USH2A: variants seen among roughly 807,000 people sequenced by gnomAD.
USH2A encodes Usher syndrome 2A (autosomal recessive, mild).
USH2A carries 443 observed loss-of-function variants against 538.9 expected under a neutral mutation model. That is an observed-to-expected ratio of 0.82 (90% CI 0.76 to 0.89). The LOEUF is 0.89. USH2A is among the 40% of genes least tolerant of loss of function. USH2A has a pLI of 0.00. For missense variants in USH2A, 6,633 were observed against 6,324.8 expected, an observed-to-expected ratio of 1.05 and a Z score of -1.65; for synonymous variants, 2,413 against 2,273.5, an observed-to-expected ratio of 1.06 and a Z score of -1.75.
At chr1:216,253,307 T>C (rs2102555133) in intron 11 of USH2A, among the ~76,000 whole-genome samples, 1 of 152,120 alleles carries the variant, frequency 6.6e-6, no homozygotes, top group South Asian at 2.1e-4. Flanking sequence ...GCCTCCCCAG[T>C]AGCTGGGCCA....
At chr1:215,710,498 T>C (rs1427731068) in intron 61 of USH2A, among the ~76,000 whole-genome samples, 1 of 152,146 alleles carries the variant, frequency 6.6e-6, no homozygotes, top group African/African-American at 2.4e-5. Flanking sequence ...CAACTGCTCA[T>C]ACGTTTAGCT....
chr1:216,374,280 T>C (rs1485182360), intron 3 of USH2A, among the ~76,000 whole-genome samples: 2 of 99,726 alleles, frequency 2.0e-5, no homozygotes, highest in African/African-American at 6.1e-5. Flanking sequence ...AAAAAAGCAG[T>C]GCCGACCCAA....
At chr1:215,727,163 G>A (rs1368068753) in intron 61 of USH2A, among the ~76,000 whole-genome samples, 2 of 151,986 alleles carry the variant, frequency 1.3e-5, no homozygotes, top group African/African-American at 4.8e-5. Context: ...GTGTATGTGT[G>A]TGTGTGTATA....
At chr1:216,054,774 G>C (rs1322144326) in intron 30 of USH2A, among the ~76,000 whole-genome samples, 1 of 151,254 alleles carries the variant, frequency 6.6e-6, no homozygotes, top group African/African-American at 2.4e-5. Flanking sequence ...TCTTCGAATC[G>C]CTTGTACAGC....
chr1:215,870,736 A>G (rs940347013), intron 43 of USH2A, among the ~76,000 whole-genome samples: 2 of 152,096 alleles, frequency 1.3e-5, no homozygotes, highest in Non-Finnish European at 2.9e-5. Context: ...ACCACTTCAT[A>G]TCAAAAAAAG....
chr1:216,008,213 G>A (rs1026107288), intron 32 of USH2A, among the ~76,000 whole-genome samples: 1 of 151,978 alleles, frequency 6.6e-6, no homozygotes, highest in Non-Finnish European at 1.5e-5. Context: ...CAGATGGCCG[G>A]TTCCTGCCTT....
chr1:216,343,117 A>T (rs1378470958), intron 4 of USH2A, among the ~76,000 whole-genome samples: 4 of 152,090 alleles, frequency 2.6e-5, no homozygotes, highest in African/African-American at 9.7e-5. Flanking sequence ...TACAACTAGA[A>T]GTAAAGTAAT....
intron 19 of USH2A, among the ~76,000 whole-genome samples, chr1:216,191,874 A>C (rs1391498034): frequency 2.6e-5 from 4 of 151,922 alleles, no homozygotes; most frequent in Non-Finnish European, 5.9e-5. Context: ...ACGATGAAAT[A>C]AAATAAGAAA....
At chr1:216,393,605 A>T (rs187532782) in intron 3 of USH2A, among the ~76,000 whole-genome samples, 2 of 152,192 alleles carry the variant, frequency 1.3e-5, no homozygotes, top group African/African-American at 4.8e-5. Context: ...TTATTAATGG[A>T]TCAAAAATAA....
Position 215,697,891 on chromosome 1 carries a change from A to T in USH2A, c.12067-17515T>A, listed in dbSNP as rs575778448. ...TGTGCAGAACATGCAGGTTTGTTAC[A>T]TAGGTATACATGTGCCATGCTGGTT... On this transcript the variant is annotated intron_variant, in intron 61 of 71. Coordinates refer to ENST00000307340, the MANE Select transcript of USH2A (RefSeq NM_206933.4). Among the ~76,000 whole-genome samples the T allele has an allele frequency of 4.5e-4, 68 of 152,264 alleles. 2 individuals carry two copies. The South Asian group carries it at 0.013, about 30-fold the overall frequency.
At chr1:216,397,832 A>G (rs569921514) in intron 3 of USH2A, among the ~76,000 whole-genome samples, 1 of 152,340 alleles carries the variant, frequency 6.6e-6, no homozygotes, top group South Asian at 2.1e-4. Flanking sequence ...CTATCATTCT[A>G]TAGCTTGCTG....
chr1:215,746,444 A>C (rs1217330927), intron 58 of USH2A, among the ~76,000 whole-genome samples: 1 of 152,116 alleles, frequency 6.6e-6, no homozygotes, highest in African/African-American at 2.4e-5. Flanking sequence ...ATAATGCTGT[A>C]CAAAAGCCTT....
intron 60 of USH2A, among the ~76,000 whole-genome samples, chr1:215,739,003 G>A (rs1159836000): frequency 6.6e-6 from 1 of 152,136 alleles, no homozygotes; most frequent in Non-Finnish European, 1.5e-5. Context: ...TATTGTTGTT[G>A]TCTAAGCACA....
intron 38 of USH2A, among the ~76,000 whole-genome samples, chr1:215,910,829 T>C (rs1665763583): frequency 6.6e-6 from 1 of 151,920 alleles, no homozygotes; most frequent in African/African-American, 2.4e-5. Context: ...TGCTTCTCTC[T>C]GTAATTTTCT....
chr1:216,231,237 T>TATATATATATATATTATATTATATATATA (rs1553318087), intron 14 of USH2A, among the ~76,000 whole-genome samples: 1 of 41,234 alleles, frequency 2.4e-5, no homozygotes, highest in Non-Finnish European at 5.0e-5. Flanking sequence ...ATATCCCATA[T>TATATATATATATATTATATTATATATATA]ATATATATAT....
intron 32 of USH2A, among the ~76,000 whole-genome samples, chr1:216,023,459 CAAAA>C: frequency 2.6e-3 from 120 of 46,956 alleles, no homozygotes; most frequent in African/African-American, 9.5e-3. Flanking sequence ...TCAAAGCAGA[CAAAA>C]AAAAAAAAAA....
chr1:215,709,512 ATTGAGTT>A (rs72131894), intron 61 of USH2A, among the ~76,000 whole-genome samples: 24,741 of 151,920 alleles, frequency 0.16, 2,184 homozygotes, highest in East Asian at 0.3. Context: ...TGAAAATGAA[ATTGAGTT>A]TGATCACAAT....
At chr1:215,677,255 T>C (rs929022431) in intron 62 of USH2A, among the ~76,000 whole-genome samples, 3 of 152,184 alleles carry the variant, frequency 2.0e-5, no homozygotes, top group African/African-American at 7.2e-5. Context: ...CTGTATCCCA[T>C]CCCTTCCTCC....
intron 21 of USH2A, among the ~76,000 whole-genome samples, chr1:216,106,161 TATATA>T (rs1558261433): frequency 1.4e-5 from 2 of 147,644 alleles, no homozygotes; most frequent in Non-Finnish European, 3.0e-5. Flanking sequence ...ATTTCACTTT[TATATA>T]TTTATATATA....
Sources: gnomAD v4.1 joint callset for allele counts (sites outside exome capture counted in the v4.1 genomes callset) on GRCh38, gnomAD v4.1.1 for gene constraint, MANE v1.5 for transcripts, NCBI Gene and HGNC (gene_info 2026-07-23, HGNC 2026-07-21) for gene names.